Variants in FRMPD4 observed in about 807,000 individuals in gnomAD.
The protein encoded by FRMPD4 is FERM and PDZ domain containing 4.
FRMPD4 carries 22 observed loss-of-function variants against 94.1 expected under a neutral mutation model. That is an observed-to-expected ratio of 0.23 (90% CI 0.17 to 0.33). The LOEUF (loss-of-function observed/expected upper bound fraction) is 0.33, where lower values mean the gene tolerates loss of function less well. Ranked by LOEUF, FRMPD4 falls within the 10% of genes least tolerant of loss-of-function variation. The pLI is 1.00. For missense variants in FRMPD4, 1,111 were observed against 1,339.9 expected, an observed-to-expected ratio of 0.83 and a Z score of 2.67; for synonymous variants, 631 against 548.6, an observed-to-expected ratio of 1.15 and a Z score of -2.10.
upstream of FRMPD4, among the ~76,000 whole-genome samples, chrX:12,136,618 T>G (rs2055599342): frequency 1.8e-5 from 2 of 110,546 alleles, no homozygotes; most frequent in African/African-American, 6.6e-5. Flanking sequence ...GAAGATTACC[T>G]GTAGAGTTTG....
At chrX:12,520,599 ACT>A (rs1344602601) in intron 2 of FRMPD4, among the ~76,000 whole-genome samples, 2 of 111,020 alleles carry the variant, frequency 1.8e-5, no homozygotes, top group Non-Finnish European at 3.8e-5. Flanking sequence ...AGGCATCAGG[ACT>A]CTGTTTCATC....
chrX:11,908,776 C>A (rs1276238408), intron 3 of FRMPD4, among the ~76,000 whole-genome samples: 1 of 111,454 alleles, frequency 9.0e-6, no homozygotes, highest in Non-Finnish European at 1.9e-5. Context: ...ATTTTTAGGC[C>A]CTTGAAATGA....
chrX:12,109,387 T>G (rs1476771776), intron 3 of FRMPD4, among the ~76,000 whole-genome samples: 6 of 111,654 alleles, frequency 5.4e-5, no homozygotes, highest in Non-Finnish European at 9.4e-5. Context: ...AGAACAAAGG[T>G]ACAACATACC....
chrX:12,243,790 C>CTTTTTT lies in FRMPD4; in HGVS notation c.41+104807_41+104812dup, dbSNP rs148889684. ...CAGAAACAGTTGTCCATCTAAAGGG[C>CTTTTTT]TTTTTTTTTTTTTTTTTTTTTTTTT... On this transcript the variant is annotated intron_variant, in intron 1 of 16. Coordinates refer to ENST00000675598, the MANE Select transcript of FRMPD4 (RefSeq NM_001368397.1). 6.5e-4 allele frequency among the ~76,000 whole-genome samples: 15 copies of CTTTTTT among 22,931 alleles called. 2 individuals are homozygous for CTTTTTT. The highest frequency in any genetic ancestry group is 8.5e-4 in the Admixed American group (1 of 1,173). The allele number at this position is 22,931 out of a possible 115,157, so 19.9% of individuals were successfully genotyped here.
At chrX:11,843,771 G>T (rs1213575022) in intron 1 of FRMPD4, among the ~76,000 whole-genome samples, 1 of 109,497 alleles carries the variant, frequency 9.1e-6, no homozygotes, top group African/African-American at 3.3e-5. Flanking sequence ...GGCTGATGTT[G>T]AACTGCTGGA....
rs191960941 is a variant in FRMPD4 at position 12,257,169 on chromosome X, C to G, written c.41+118157C>G. 1.3e-4 allele frequency among the ~76,000 whole-genome samples: 15 copies of G among 111,949 alleles called. No homozygotes were observed. The East Asian group carries it at 4.2e-3, about 31-fold the overall frequency. On this transcript the variant is annotated intron_variant, in intron 1 of 16. Coordinates refer to ENST00000675598, the MANE Select transcript of FRMPD4 (RefSeq NM_001368397.1). ...TTCTTTGTGCTATAAATGTTTCATG[C>G]CTACAAGTCATTATGTTTCACCAAT...
At chrX:12,604,928 AGTGCTTACTAT>A (rs1482219589) in intron 2 of FRMPD4, among the ~76,000 whole-genome samples, 1 of 111,800 alleles carries the variant, frequency 8.9e-6, no homozygotes. Context: ...ATGCTTTTTG[AGTGCTTACTAT>A]GTGCTTACAT....
chrX:12,394,195 TAAAAG>T (rs2056514029), intron 1 of FRMPD4, among the ~76,000 whole-genome samples: 1 of 111,990 alleles, frequency 8.9e-6, no homozygotes, highest in Non-Finnish European at 1.9e-5. Flanking sequence ...CTGTCACAAT[TAAAAG>T]AAACAACATT....
intron 1 of FRMPD4, among the ~76,000 whole-genome samples, chrX:12,332,440 T>C (rs5935302): frequency 0.2 from 22,147 of 108,651 alleles, 1,829 homozygotes; most frequent in African/African-American, 0.27. Flanking sequence ...ACAGAAACTG[T>C]AGCCTCATTA....
At chrX:12,055,133 TG>T (rs1360589152) in intron 3 of FRMPD4, among the ~76,000 whole-genome samples, 2 of 112,122 alleles carry the variant, frequency 1.8e-5, no homozygotes, top group African/African-American at 6.5e-5. Context: ...CTAATAAAGC[TG>T]GGGGATAAAT....
At chrX:12,128,658 A>G (rs2055521671) in intron 3 of FRMPD4, among the ~76,000 whole-genome samples, 1 of 111,952 alleles carries the variant, frequency 8.9e-6, no homozygotes, top group Admixed American at 9.4e-5. Flanking sequence ...CTTTTCTATC[A>G]CATTGTCAGG....
At chrX:12,652,514 C>T (rs1471221703) in intron 4 of FRMPD4, among the ~76,000 whole-genome samples, 3 of 112,076 alleles carry the variant, frequency 2.7e-5, no homozygotes, top group Non-Finnish European at 5.6e-5. Context: ...ACCCATTAAG[C>T]AATAACTCCC....
chrX:12,369,498 A>C (rs114336322), intron 1 of FRMPD4, among the ~76,000 whole-genome samples: 2,846 of 112,482 alleles, frequency 0.025, 92 homozygotes, highest in African/African-American at 0.086. Flanking sequence ...GAAGATGTGT[A>C]GTTTAGAATG....
At chrX:12,687,932 A>G (rs1302003163) in intron 7 of FRMPD4, among the ~76,000 whole-genome samples, 1 of 111,980 alleles carries the variant, frequency 8.9e-6, no homozygotes, top group Non-Finnish European at 1.9e-5. Flanking sequence ...ATATGGCCCA[A>G]TGTTCTCACT....
At chrX:11,921,123 T>C (rs1039739835) in intron 3 of FRMPD4, among the ~76,000 whole-genome samples, 1 of 111,809 alleles carries the variant, frequency 8.9e-6, no homozygotes, top group Non-Finnish European at 1.9e-5. Context: ...CTATGAGGAG[T>C]GTATTAGTCA....
intron 4 of FRMPD4, among the ~76,000 whole-genome samples, chrX:12,644,131 A>G (rs1296789135): frequency 2.7e-5 from 3 of 109,837 alleles, no homozygotes; most frequent in Admixed American, 1.9e-4. Context: ...GTGCAGTGAC[A>G]TGATCTCAGC....
At chrX:11,888,510 T>C (rs989631867) in intron 3 of FRMPD4, among the ~76,000 whole-genome samples, 1 of 112,316 alleles carries the variant, frequency 8.9e-6, no homozygotes, top group African/African-American at 3.2e-5. Flanking sequence ...TTCTAGAATG[T>C]ATTTGTCAAT....
chrX:12,647,167 C>CTAAT lies in FRMPD4; in HGVS notation c.423-27694_423-27691dup, dbSNP rs1210018296. On this transcript the variant is annotated intron_variant, in intron 4 of 16. Coordinates refer to ENST00000675598, the MANE Select transcript of FRMPD4 (RefSeq NM_001368397.1). ...CCATGACTTAACACGTTCCCTATGA[C>CTAAT]TAATTGATCTTAGTTTTGGTTCCTT... 3.6e-5 allele frequency among the ~76,000 whole-genome samples: 4 copies of CTAAT among 112,136 alleles called. No individual in the cohort carries two copies. The Admixed American group carries it at 3.8e-4, about 11-fold the overall frequency.
At chrX:12,409,865 T>C (rs973363455) in intron 1 of FRMPD4, among the ~76,000 whole-genome samples, 12 of 111,799 alleles carry the variant, frequency 1.1e-4, no homozygotes, top group Admixed American at 5.7e-4. Flanking sequence ...TAATATCACC[T>C]TTGAATTCTG....
Sources: allele counts gnomAD v4.1 joint callset (sites outside exome capture counted in the v4.1 genomes callset), GRCh38; gene constraint gnomAD v4.1.1; transcripts MANE v1.5; gene names NCBI Gene and HGNC (gene_info 2026-07-23, HGNC 2026-07-21).